The following TTLL4 variants were observed in gnomAD, a reference collection of about 807,000 sequenced individuals.
TTLL4 encodes tubulin tyrosine ligase like 4.
Under a neutral mutation model 122.7 loss-of-function variants are expected in TTLL4, and 85 were observed. The observed-to-expected ratio is 0.69, with a 90% CI of 0.58 to 0.83. TTLL4 has a LOEUF of 0.83. Ranked by LOEUF, TTLL4 falls within the 40% of genes least tolerant of loss-of-function variation. The probability of loss-of-function intolerance (pLI) is 0.00; values close to 1 mark genes in which losing one functional copy is unlikely to be tolerated. For synonymous variants in TTLL4, 553 were observed against 563.0 expected (o/e 0.98, Z 0.25); for missense variants, 1,363 against 1,488.6 (o/e 0.92, Z 1.39).
At chr2:218,748,292 G>A (rs1942904563) in intron 12 of TTLL4, 65 bp downstream of exon 12, 1 of 1,600,088 alleles carries the variant, frequency 6.2e-7, no homozygotes, top group East Asian at 2.2e-5. Context: ...TGGGGTTTTG[G>A]GAGGTTCAGG....
intron 1 of TTLL4, among the ~76,000 whole-genome samples, chr2:218,717,498 C>T (rs902470231): frequency 1.4e-4 from 21 of 152,146 alleles, no homozygotes; most frequent in Admixed American, 3.3e-4. Flanking sequence ...ATAGGTTTAC[C>T]TCCCTCAGCT....
intron 2 of TTLL4, among the ~76,000 whole-genome samples, chr2:218,730,355 A>G (rs1942343664): frequency 6.9e-6 from 1 of 143,970 alleles, no homozygotes; most frequent in Non-Finnish European, 1.5e-5. Context: ...AAAAAGAAAA[A>G]AAATTAGCTG....
Position 218,747,523 on chromosome 2 carries a change from C to G in TTLL4, c.2250-74C>G. On this transcript the variant is annotated intron_variant, in intron 10 of 19. Transcript: ENST00000392102. This position sits in a 1 kb window ranked among gnomAD's most constrained non-coding sequence, Gnocchi z 4.7. ...CTTTATCTTGGGGACTGTTAGCTGG[C>G]TTTTCCTGTGGCTTGGTTACCCACT... The G allele has an allele frequency of 6.3e-7, 1 of 1,590,448 alleles. No homozygotes were observed. The highest frequency in any genetic ancestry group is 8.6e-7 in the Non-Finnish European group (1 of 1,167,656).
downstream of TTLL4, among the ~76,000 whole-genome samples, chr2:218,758,945 A>AC (rs1943195379): frequency 6.6e-6 from 1 of 152,224 alleles, no homozygotes; most frequent in Non-Finnish European, 1.5e-5. Context: ...ACCCTTAGAT[A>AC]TAAAAAAGGA....
intron 1 of TTLL4, among the ~76,000 whole-genome samples, chr2:218,717,537 C>G (rs1941898504): frequency 6.6e-6 from 1 of 152,208 alleles, no homozygotes; most frequent in African/African-American, 2.4e-5. Flanking sequence ...ATCTTTTCCT[C>G]AGGTTTGCTT....
chr2:218,746,264 G>A, intron 8 of TTLL4, 33 bp downstream of exon 8: 4 of 1,611,610 alleles, frequency 2.5e-6, no homozygotes, highest in Non-Finnish European at 3.4e-6. Context: ...TGTTTCCCTG[G>A]ACTTTGGACT....
chr2:218,724,434 A>C (rs781449485), intron 1 of TTLL4, among the ~76,000 whole-genome samples: 10 of 151,712 alleles, frequency 6.6e-5, no homozygotes, highest in South Asian at 4.2e-4. Flanking sequence ...CCTTCCCCCT[A>C]CTCTTCCTGG....
chr2:218,750,582 T>G (rs1942989491), intron 15 of TTLL4, among the ~76,000 whole-genome samples: 1 of 152,156 alleles, frequency 6.6e-6, no homozygotes. Flanking sequence ...GGGTCCCAGC[T>G]TCCTTTTTCT....
downstream of TTLL4, among the ~76,000 whole-genome samples, chr2:218,757,861 C>T (rs964638233): frequency 4.6e-5 from 7 of 152,114 alleles, no homozygotes; most frequent in African/African-American, 1.7e-4. Flanking sequence ...CTCCTGGGCT[C>T]CCCTTGATTT....
chr2:218,728,367 A>T (rs1035762817), intron 2 of TTLL4, among the ~76,000 whole-genome samples: 1 of 152,226 alleles, frequency 6.6e-6, no homozygotes, highest in Non-Finnish European at 1.5e-5. Flanking sequence ...CAGGCATTAG[A>T]TTCTCATAAG....
chr2:218,714,622 T>C (rs566217957), intron 1 of TTLL4, among the ~76,000 whole-genome samples: 35 of 152,210 alleles, frequency 2.3e-4, no homozygotes, highest in African/African-American at 7.5e-4. Flanking sequence ...CTCATAGATA[T>C]GCTAGAGAAG....
intron 1 of TTLL4, among the ~76,000 whole-genome samples, chr2:218,718,536 G>A (rs1941936196): frequency 6.6e-6 from 1 of 152,056 alleles, no homozygotes; most frequent in Non-Finnish European, 1.5e-5. Flanking sequence ...GCACCACCAT[G>A]CCTGGCTAGT....
At position 218,747,835 on chromosome 2, in the gene TTLL4, GA is replaced by G; in HGVS notation, c.2378+113del. Reference sequence around the variant, plus strand: ...GAAAAATAGTTTTTGTTAGCAAGGGGAAAGGCAGGAAATGGGAAATATGGAG... The same window carrying G: ...GAAAAATAGTTTTTGTTAGCAAGGGGAAGGCAGGAAATGGGAAATATGGAG... On this transcript the variant is annotated intron_variant, in intron 11 of 19. Transcript: ENST00000392102. This position sits in a 1 kb window ranked among gnomAD's most constrained non-coding sequence, Gnocchi z 4.7. The G allele has an allele frequency of 6.8e-7, 1 of 1,472,170 alleles. No homozygotes were observed. The allele number at this position is 1,472,170 out of a possible 1,614,324, so 91.2% of individuals were successfully genotyped here.
At chr2:218,749,420 A>G in intron 14 of TTLL4, 33 bp downstream of exon 14, 1 of 1,610,082 alleles carries the variant, frequency 6.2e-7, no homozygotes, top group Non-Finnish European at 8.5e-7. Flanking sequence ...TCACCATAGA[A>G]TCCTTCCATT....
rs1942071418 is a variant in TTLL4 at position 218,722,392 on chromosome 2, A to G, written c.-177-4877A>G. On this transcript the variant is annotated intron_variant, in intron 1 of 19. Transcript: ENST00000392102. ...TTGAGCCAAGTGTAAGGAAATATAA[A>G]TATATAATAATTTTAGATAGTGGAG... 2.0e-5 allele frequency among the ~76,000 whole-genome samples: 3 copies of G among 151,974 alleles called. No homozygotes were observed. The South Asian group carries it at 6.2e-4, about 31-fold the overall frequency.
intron 7 of TTLL4, 163 bp downstream of exon 7, chr2:218,745,964 C>A: frequency 2.3e-6 from 2 of 873,234 alleles, no homozygotes; most frequent in Non-Finnish European, 3.7e-6. Context: ...CTGGACTGAG[C>A]CTGTTGTTCA....
At chr2:218,739,308 G>T in intron 3 of TTLL4, 145 bp downstream of exon 3, 1 of 947,722 alleles carries the variant, frequency 1.1e-6, no homozygotes. Context: ...GGCAAGGGTT[G>T]GGAAACTATA....
At position 218,748,062 on chromosome 2, in the gene TTLL4, T is replaced by C. The variant is rs764095257; in HGVS notation, c.2379-43T>C. ...AATGTTTGGCCCCTTCTCCATCTGC[T>C]CTGTTACCATCTTACCTCTGCCTTT... On this transcript the variant is annotated intron_variant, in intron 11 of 19. Transcript: ENST00000392102. The C allele has an allele frequency of 1.1e-5, 17 of 1,613,398 alleles. 1 individual carries two copies. In the South Asian group the frequency reaches 1.9e-4, roughly 18 times the overall value.
At position 218,712,702 on chromosome 2, in the gene TTLL4, T is replaced by G. The variant is rs186600663; in HGVS notation, c.-178+1665T>G. On this transcript the variant is annotated intron_variant, in intron 1 of 19. Transcript: ENST00000392102. ...GCGCCCGGCCCCAATGAACTCTTTTTCTAAAACTTCCCTTACAAAAAAAGG... is the reference window on the plus strand; with the variant it reads ...GCGCCCGGCCCCAATGAACTCTTTTGCTAAAACTTCCCTTACAAAAAAAGG... Among the ~76,000 whole-genome samples, 522 of 152,246 alleles carry G rather than the reference T, an allele frequency of 3.4e-3. 1 individual carries two copies. The highest frequency in any genetic ancestry group is 6.2e-3 in the Non-Finnish European group (422 of 68,012).
Sources: gnomAD v4.1 joint callset for allele counts (sites outside exome capture counted in the v4.1 genomes callset) on GRCh38, gnomAD v4.1.1 for gene constraint, Gnocchi (gnomAD v3.1) non-coding constraint, MANE v1.5 for transcripts, NCBI Gene and HGNC (gene_info 2026-07-23, HGNC 2026-07-21) for gene names.